Variants in ELMO1 observed in about 807,000 individuals in gnomAD.
ELMO1 encodes the protein engulfment and cell motility protein 1.
ELMO1 carries 26 observed loss-of-function variants against 98.9 expected under a neutral mutation model. The ratio of observed to expected loss-of-function variants is 0.26; its 90% confidence interval spans 0.19 to 0.36. The LOEUF is 0.36. Ranked by LOEUF, ELMO1 falls within the 10% of genes least tolerant of loss-of-function variation. The pLI, the probability that ELMO1 is intolerant of heterozygous loss-of-function variation, is 1.00. For missense variants in ELMO1, 627 were observed against 935.2 expected (o/e 0.67, Z 4.30); for synonymous variants, 346 against 346.0 (o/e 1.00, Z 0.00).
chr7:36,950,312 T>G (rs893594954), intron 16 of ELMO1, among the ~76,000 whole-genome samples: 1 of 152,160 alleles, frequency 6.6e-6, no homozygotes, highest in South Asian at 2.1e-4. Flanking sequence ...CAGCCCACAG[T>G]AGCTTTTTAT....
chr7:37,309,263 T>C (rs1798774897), intron 4 of ELMO1, among the ~76,000 whole-genome samples: 1 of 152,166 alleles, frequency 6.6e-6, no homozygotes, highest in African/African-American at 2.4e-5. Context: ...TTTCCCCTTA[T>C]AGAACCATCA....
chr7:37,303,107 A>G (rs1204612047), intron 4 of ELMO1, among the ~76,000 whole-genome samples: 2 of 152,082 alleles, frequency 1.3e-5, no homozygotes, highest in Non-Finnish European at 2.9e-5. Flanking sequence ...CTCATAGTAG[A>G]TGTTCGTTAT....
chr7:37,100,558 T>C (rs1259735312), intron 14 of ELMO1, among the ~76,000 whole-genome samples: 3 of 152,220 alleles, frequency 2.0e-5, no homozygotes, highest in Non-Finnish European at 2.9e-5. Flanking sequence ...TCTGACACAC[T>C]CTCTCTTCCA....
At position 37,088,999 on chromosome 7, in the gene ELMO1, A is replaced by G. The variant is rs73688846; in HGVS notation, c.1300+7620T>C. 5.4e-3 allele frequency among the ~76,000 whole-genome samples: 814 copies of G among 151,820 alleles called. 8 individuals carry two copies. The highest frequency in any genetic ancestry group is 0.024 in the Middle Eastern group (7 of 292). ...CAAGAGTACAAGCTCGTATTTGGAGAAAAAAAAAGGTCCTTAAGAGATTTA... is the reference window on the plus strand; with the variant it reads ...CAAGAGTACAAGCTCGTATTTGGAGGAAAAAAAAGGTCCTTAAGAGATTTA... On this transcript the variant is annotated intron_variant, in intron 15 of 21. Transcript: ENST00000310758.
At chr7:37,277,355 G>A (rs1796897128) in intron 4 of ELMO1, among the ~76,000 whole-genome samples, 1 of 152,232 alleles carries the variant, frequency 6.6e-6, no homozygotes, top group African/African-American at 2.4e-5. Flanking sequence ...GGCCCTCTGG[G>A]CATAGGCAGG....
At chr7:37,194,875 T>C (rs2130224412) in intron 13 of ELMO1, among the ~76,000 whole-genome samples, 1 of 152,380 alleles carries the variant, frequency 6.6e-6, no homozygotes. Flanking sequence ...CTTCTACCTA[T>C]AAGTAAAGGT....
At chr7:37,022,505 A>G (rs1794328656) in intron 15 of ELMO1, among the ~76,000 whole-genome samples, 3 of 152,230 alleles carry the variant, frequency 2.0e-5, no homozygotes, top group Non-Finnish European at 4.4e-5. Flanking sequence ...CACAGAAAAA[A>G]ATATGCAGCT....
At chr7:37,433,466 C>T (rs914075879) in intron 1 of ELMO1, among the ~76,000 whole-genome samples, 6 of 152,274 alleles carry the variant, frequency 3.9e-5, no homozygotes, top group Admixed American at 1.3e-4. Flanking sequence ...TCATATGGTC[C>T]AGGCACTTCA....
intron 15 of ELMO1, among the ~76,000 whole-genome samples, chr7:37,031,068 CTCCTT>C (rs1277317974): frequency 6.6e-6 from 1 of 152,120 alleles, no homozygotes; most frequent in Non-Finnish European, 1.5e-5. Context: ...ATTATATTTA[CTCCTT>C]TCCTTTCCCA....
chr7:37,358,671 G>A (rs922802723), intron 1 of ELMO1, among the ~76,000 whole-genome samples: 1 of 151,982 alleles, frequency 6.6e-6, no homozygotes, highest in South Asian at 2.1e-4. Context: ...TACTTTTCTC[G>A]GCCTTGATTT....
rs371909615 is a variant in ELMO1 at position 36,957,076 on chromosome 7, G to T, written c.1437+56223C>A. Among the ~76,000 whole-genome samples, 21 of 152,358 alleles carry T rather than the reference G, an allele frequency of 1.4e-4. No individual in the cohort carries two copies. The South Asian group carries it at 4.3e-3, about 32-fold the overall frequency. On this transcript the variant is annotated intron_variant, in intron 16 of 21. Coordinates refer to ENST00000310758, the MANE Select transcript of ELMO1 (RefSeq NM_014800.11). ...CAGCCTTGTTTCTGTGGAGAGGATG[G>T]CACCAGCTCTTTTCCAATGTAAATA... is the stretch of plus-strand genomic sequence containing the variant.
At chr7:36,872,300 A>G (rs1325540132) in intron 19 of ELMO1, among the ~76,000 whole-genome samples, 2 of 152,202 alleles carry the variant, frequency 1.3e-5, no homozygotes, top group Non-Finnish European at 2.9e-5. Context: ...TCAGAGGGCA[A>G]TTCCTAGGGT....
intron 4 of ELMO1, among the ~76,000 whole-genome samples, chr7:37,289,835 A>G (rs112660860): frequency 6.6e-6 from 1 of 152,208 alleles, no homozygotes; most frequent in Non-Finnish European, 1.5e-5. Flanking sequence ...TAGTAGGGAT[A>G]CTAGGTGTCA....
chr7:37,333,011 G>T (rs1486129722), intron 2 of ELMO1, among the ~76,000 whole-genome samples: 1 of 152,184 alleles, frequency 6.6e-6, no homozygotes, highest in African/African-American at 2.4e-5. Context: ...TGCTATTTGA[G>T]GGGCTATGGA....
chr7:36,965,240 C>A (rs1562862093), intron 16 of ELMO1, among the ~76,000 whole-genome samples: 1 of 152,150 alleles, frequency 6.6e-6, no homozygotes, highest in African/African-American at 2.4e-5. Flanking sequence ...GCTGCCTCCC[C>A]CGCTGCCTCC....
chr7:36,995,462 C>T (rs1792139851), intron 16 of ELMO1, among the ~76,000 whole-genome samples: 1 of 151,530 alleles, frequency 6.6e-6, no homozygotes, highest in East Asian at 1.9e-4. Context: ...GAGCCAAGAT[C>T]ACGCCACTGC....
At chr7:37,140,213 A>C (rs1273414358) in intron 13 of ELMO1, among the ~76,000 whole-genome samples, 1 of 143,286 alleles carries the variant, frequency 7.0e-6, no homozygotes, top group African/African-American at 2.5e-5. Context: ...ACCTCTACTA[A>C]AAAAAAAAAA....
chr7:36,973,308 T>C (rs957446351), intron 16 of ELMO1, among the ~76,000 whole-genome samples: 11 of 152,150 alleles, frequency 7.2e-5, no homozygotes, highest in Non-Finnish European at 1.3e-4. Flanking sequence ...TAATCAGTAG[T>C]GCCAGTACAG....
intron 15 of ELMO1, among the ~76,000 whole-genome samples, chr7:37,086,973 T>C (rs1584623153): frequency 6.6e-6 from 1 of 152,248 alleles, no homozygotes; most frequent in East Asian, 1.9e-4. Flanking sequence ...GAAGAAAACA[T>C]TTTGCTTCTC....
Sources: gnomAD v4.1 joint callset for allele counts (sites outside exome capture counted in the v4.1 genomes callset) on GRCh38, gnomAD v4.1.1 for gene constraint, MANE v1.5 for transcripts, NCBI Gene and HGNC (gene_info 2026-07-23, HGNC 2026-07-21) for gene names.